ZNF804B: variants seen among roughly 807,000 people sequenced by gnomAD.
ZNF804B encodes the protein zinc finger 804B.
In ZNF804B, 80 loss-of-function variants were observed where a neutral mutation model predicts 101.4. That is an observed-to-expected ratio of 0.79 (90% confidence interval 0.66 to 0.95). The LOEUF (loss-of-function observed/expected upper bound fraction) is 0.95, where lower values mean the gene tolerates loss of function less well. Among genes scored for constraint, ZNF804B ranks in the 40% least tolerant of loss-of-function variants. The probability of loss-of-function intolerance (pLI) is 0.00; values close to 1 mark genes in which losing one functional copy is unlikely to be tolerated. For missense variants in ZNF804B, 1,673 were observed against 1,561.9 expected, an observed-to-expected ratio of 1.07 and a Z score of -1.20; for synonymous variants, 622 against 558.8, an observed-to-expected ratio of 1.11 and a Z score of -1.59.
chr7:89,280,691 C>G (rs903480241), intron 2 of ZNF804B, among the ~76,000 whole-genome samples: 1 of 152,144 alleles, frequency 6.6e-6, no homozygotes, highest in Non-Finnish European at 1.5e-5. Context: ...TACACTCTCC[C>G]AAGACTAAAC....
intron 1 of ZNF804B, among the ~76,000 whole-genome samples, chr7:89,178,956 T>C (rs1437561067): frequency 6.6e-6 from 1 of 152,268 alleles, no homozygotes; most frequent in Admixed American, 6.5e-5. Flanking sequence ...TAAGAGAAAA[T>C]ATTTTTTCCT....
intron 1 of ZNF804B, among the ~76,000 whole-genome samples, chr7:88,864,804 A>C (rs994433090): frequency 6.6e-6 from 1 of 152,280 alleles, no homozygotes; most frequent in African/African-American, 2.4e-5. Flanking sequence ...AGTGGCAGCT[A>C]TGGTGGAACA....
intron 2 of ZNF804B, among the ~76,000 whole-genome samples, chr7:89,311,316 T>A (rs1017234248): frequency 2.0e-5 from 3 of 152,246 alleles, no homozygotes; most frequent in African/African-American, 7.2e-5. Flanking sequence ...AGAATATACG[T>A]AACATTCAAA....
chr7:88,970,394 C>T, intron 1 of ZNF804B, among the ~76,000 whole-genome samples: 1 of 147,030 alleles, frequency 6.8e-6, no homozygotes, highest in Non-Finnish European at 1.5e-5. Flanking sequence ...ATAATTTTGT[C>T]TATGCCTCTG....
chr7:89,220,239 C>T (rs1172246120), intron 2 of ZNF804B, among the ~76,000 whole-genome samples: 2 of 149,292 alleles, frequency 1.3e-5, no homozygotes, highest in East Asian at 2.0e-4. Context: ...TATCCCTAAA[C>T]GTAAGATATA....
At position 89,333,511 on chromosome 7, in the gene ZNF804B, A is replaced by G; in HGVS notation, c.529A>G (p.Ile177Val). 3.1e-6 allele frequency: 5 copies of G among 1,613,462 alleles called. No homozygotes were observed. Among genetic ancestry groups the G allele is most frequent in the Non-Finnish European group, 4.2e-6 (5 of 1,179,630 alleles). Residue 177 changes from isoleucine (I) to valine (V), a missense_variant, in exon 4 of 4, where the codon ATA (isoleucine) becomes GTA (valine). By Grantham distance (29) the Ile-to-Val change is conservative. Coordinates refer to ENST00000333190, the MANE Select transcript of ZNF804B (RefSeq NM_181646.5). Reference sequence around the variant, plus strand: ...TAAAGGAAAAAATCTCCCCAGAATCATATCCGATAAACAGCGGTCCACCAT... The same window carrying G: ...TAAAGGAAAAAATCTCCCCAGAATCGTATCCGATAAACAGCGGTCCACCAT... ...LLKGKNLPRI[I>V]SDKQRSTMPN... is the part of the protein sequence containing the mutation.
intron 1 of ZNF804B, among the ~76,000 whole-genome samples, chr7:89,124,163 T>C (rs1336047266): frequency 6.6e-6 from 1 of 152,144 alleles, no homozygotes; most frequent in African/African-American, 2.4e-5. Context: ...AAAGCATCAG[T>C]AAACAAACTT....
chr7:89,069,282 G>C (rs979334195), intron 1 of ZNF804B, among the ~76,000 whole-genome samples: 6 of 152,184 alleles, frequency 3.9e-5, no homozygotes, highest in African/African-American at 1.4e-4. Context: ...GGGGCACAAA[G>C]TGTTAAAGGG....
chr7:89,246,526 C>T (rs1789449664), intron 2 of ZNF804B, among the ~76,000 whole-genome samples: 1 of 152,112 alleles, frequency 6.6e-6, no homozygotes, highest in South Asian at 2.1e-4. Context: ...CCTGACCTGC[C>T]CCACATTTCC....
chr7:88,954,407 G>A (rs1206892537), intron 1 of ZNF804B, among the ~76,000 whole-genome samples: 1 of 151,684 alleles, frequency 6.6e-6, no homozygotes, highest in East Asian at 2.0e-4. Context: ...GCAAGAGATT[G>A]TATTCATATT....
intron 1 of ZNF804B, among the ~76,000 whole-genome samples, chr7:89,099,875 C>A (rs1790028434): frequency 6.6e-6 from 1 of 152,068 alleles, no homozygotes; most frequent in Admixed American, 6.6e-5. Flanking sequence ...GAACTAACAA[C>A]AAGAGTGACT....
intron 1 of ZNF804B, among the ~76,000 whole-genome samples, chr7:88,945,169 T>A (rs999375236): frequency 1.3e-5 from 2 of 152,128 alleles, no homozygotes; most frequent in Admixed American, 1.3e-4. Flanking sequence ...TGCACATGTC[T>A]ATGTCCTGAA....
At chr7:89,166,934 T>G (rs1026246402) in intron 1 of ZNF804B, among the ~76,000 whole-genome samples, 3 of 152,192 alleles carry the variant, frequency 2.0e-5, no homozygotes, top group Non-Finnish European at 2.9e-5. Context: ...TTTGGTTATA[T>G]TTCTCTGGAC....
At chr7:88,967,994 T>G (rs762161370) in intron 1 of ZNF804B, among the ~76,000 whole-genome samples, 3 of 151,504 alleles carry the variant, frequency 2.0e-5, no homozygotes, top group Non-Finnish European at 4.4e-5. Context: ...GGACACTGCC[T>G]GGGAATACAG....
At chr7:88,956,833 G>T (rs146613200) in intron 1 of ZNF804B, among the ~76,000 whole-genome samples, 1 of 151,358 alleles carries the variant, frequency 6.6e-6, no homozygotes, top group Admixed American at 6.6e-5. Context: ...CTGTACAAAT[G>T]CTAGCAACTC....
chr7:88,979,068 C>A (rs1793658947), intron 1 of ZNF804B, among the ~76,000 whole-genome samples: 1 of 151,864 alleles, frequency 6.6e-6, no homozygotes, highest in African/African-American at 2.4e-5. Context: ...GCTAGTAAAA[C>A]TTTACACTTT....
chr7:89,062,652 A>G (rs974747163), intron 1 of ZNF804B, among the ~76,000 whole-genome samples: 3 of 152,124 alleles, frequency 2.0e-5, no homozygotes, highest in African/African-American at 7.2e-5. Context: ...TGAAGAAAGT[A>G]GTCTGAGGTA....
chr7:89,005,224 A>G (rs868585489), intron 1 of ZNF804B, among the ~76,000 whole-genome samples: 5 of 152,140 alleles, frequency 3.3e-5, no homozygotes, highest in Middle Eastern at 6.8e-3. Context: ...TGTAAGGAGC[A>G]TTATTTTCTT....
chr7:88,941,878 A>C (rs1184101231), intron 1 of ZNF804B, among the ~76,000 whole-genome samples: 1 of 151,864 alleles, frequency 6.6e-6, no homozygotes, highest in Non-Finnish European at 1.5e-5. Flanking sequence ...TTGTCAACTT[A>C]AATTTAAGTA....
Sources: allele counts gnomAD v4.1 joint callset (sites outside exome capture counted in the v4.1 genomes callset), GRCh38; gene constraint gnomAD v4.1.1; transcripts MANE v1.5; gene names NCBI Gene and HGNC (gene_info 2026-07-23, HGNC 2026-07-21).